The following EFHB variants were observed in gnomAD, a reference collection of about 807,000 sequenced individuals.
The protein encoded by EFHB is EF-hand domain-containing family member B.
Under a neutral mutation model 87.2 loss-of-function variants are expected in EFHB, and 91 were observed. The ratio of observed to expected loss-of-function variants is 1.04; its 90% CI spans 0.88 to 1.24. The LOEUF is 1.24. Ranked by LOEUF, EFHB falls within the 50% of genes most tolerant of loss-of-function variation. The probability of loss-of-function intolerance (pLI) is 0.00; values close to 1 mark genes in which losing one functional copy is unlikely to be tolerated. For missense variants in EFHB, 1,084 were observed against 998.8 expected (o/e 1.09, Z -1.15); for synonymous variants, 325 against 333.6 (o/e 0.97, Z 0.28).
Position 19,920,576 on chromosome 3 carries a change from G to GAAAAAAAAAA in EFHB, c.790-10_790-9insTTTTTTTTTT, listed in dbSNP as rs762187146. 6.3e-7 allele frequency: 1 copy of GAAAAAAAAAA among 1,584,388 alleles called. No individual in the cohort carries two copies. On this transcript the variant is annotated splice_polypyrimidine_tract_variant and intron_variant, in intron 1 of 12. Transcript: ENST00000295824. The stretch of plus-strand genomic sequence containing the variant: ...GGAATAACTTTTCCTGCCTTTGGGG[G>GAAAAAAAAAA]AAAAAAATGGGTTGATCATTGCCAG...
At chr3:19,933,123 C>T (rs1695885153) in intron 1 of EFHB, 107 bp downstream of exon 1, 1 of 1,325,138 alleles carries the variant, frequency 7.5e-7, no homozygotes, top group Admixed American at 2.9e-5. Flanking sequence ...TCATAAAATC[C>T]TTGTGATTTG....
chr3:19,909,289 A>G (rs889473964), intron 5 of EFHB, among the ~76,000 whole-genome samples: 1 of 151,924 alleles, frequency 6.6e-6, no homozygotes, highest in African/African-American at 2.4e-5. Context: ...GAGGTATCAA[A>G]CTCAGTGCTT....
intron 6 of EFHB, among the ~76,000 whole-genome samples, chr3:19,904,396 G>T (rs1166925486): frequency 6.6e-6 from 1 of 152,138 alleles, no homozygotes; most frequent in Admixed American, 6.5e-5. Flanking sequence ...TAGAGATGGT[G>T]TCTTGCTATG....
chr3:19,930,993 GA>G (rs1258148273), intron 1 of EFHB, among the ~76,000 whole-genome samples: 2 of 151,674 alleles, frequency 1.3e-5, no homozygotes, highest in Non-Finnish European at 1.5e-5. Context: ...ATTAAATTTA[GA>G]AAAAAAAGAA....
At chr3:19,936,032 A>C (rs1333806856), upstream of EFHB, 2 of 1,149,196 alleles carry the variant, frequency 1.7e-6, no homozygotes, top group Non-Finnish European at 1.1e-6. Flanking sequence ...AAAAAAAAGC[A>C]AAACAGAATT....
At chr3:19,915,524 A>C (rs1695199597) in intron 4 of EFHB, 111 bp from the exon 5 acceptor site, 5 of 667,276 alleles carry the variant, frequency 7.5e-6, no homozygotes, top group Non-Finnish European at 2.5e-6. Flanking sequence ...GCAAGGCTAC[A>C]TAGACATCCC....
In EFHB at chr3:19,920,576, G is replaced by GA. The variant is rs762187146; in HGVS notation, c.790-10dup. 2.3e-5 allele frequency: 36 copies of GA among 1,584,276 alleles called. No homozygotes were observed. Among genetic ancestry groups the GA allele is most frequent in the Non-Finnish European group, 2.7e-5 (32 of 1,168,722 alleles). Reference sequence around the variant, plus strand: ...GGAATAACTTTTCCTGCCTTTGGGGGAAAAAAATGGGTTGATCATTGCCAG... The same window carrying GA: ...GGAATAACTTTTCCTGCCTTTGGGGGAAAAAAAATGGGTTGATCATTGCCAG... On this transcript the variant is annotated splice_polypyrimidine_tract_variant and intron_variant, in intron 1 of 12. Coordinates refer to ENST00000295824, the MANE Select transcript of EFHB (RefSeq NM_144715.4).
chr3:19,908,863 C>T (rs1219168990), intron 5 of EFHB, among the ~76,000 whole-genome samples: 1 of 151,986 alleles, frequency 6.6e-6, no homozygotes, highest in Admixed American at 6.5e-5. Context: ...ATATATAGAG[C>T]AGGCTCCCTA....
chr3:19,912,122 A>C (rs916635968), intron 5 of EFHB, among the ~76,000 whole-genome samples: 2 of 152,142 alleles, frequency 1.3e-5, no homozygotes, highest in Non-Finnish European at 2.9e-5. Flanking sequence ...AAGCAGATTT[A>C]ACCCAAAGAA....
intron 3 of EFHB, among the ~76,000 whole-genome samples, chr3:19,919,195 T>C (rs1380916879): frequency 1.3e-5 from 2 of 151,764 alleles, no homozygotes; most frequent in Non-Finnish European, 2.9e-5. Context: ...CAGTCTTTTT[T>C]TGTTTGTTTG....
intron 6 of EFHB, among the ~76,000 whole-genome samples, chr3:19,905,220 C>A (rs1191251290): frequency 2.6e-5 from 4 of 152,082 alleles, no homozygotes; most frequent in Non-Finnish European, 5.9e-5. Context: ...CTACTGTACT[C>A]CAGCCTGAGC....
Position 19,879,580 on chromosome 3 carries a change from T to A in EFHB, c.*51A>T, listed in dbSNP as rs544767968. 3 of 1,493,166 alleles carry A rather than the reference T, an allele frequency of 2.0e-6. No homozygotes were observed. In the East Asian group the frequency reaches 7.0e-5, roughly 35 times the overall value. 92.5% of individuals were successfully genotyped at this position (1,493,166 alleles called of 1,614,324 possible). On this transcript the variant is annotated 3_prime_UTR_variant, in exon 13 of 13. Transcript: ENST00000295824. ...ACCAGAATGGATTCAACATTTTAGA[T>A]AAACACAGAGTTAATAATTCTTTTG...
chr3:19,882,846 G>T (rs917127729), intron 11 of EFHB, 115 bp from the exon 12 acceptor site: 9 of 891,236 alleles, frequency 1.0e-5, no homozygotes, highest in East Asian at 3.0e-5. Context: ...AAGAATTTTG[G>T]TGTATTCCAA....
chr3:19,944,744 A>G (rs1044433164), intron 1 of EFHB, among the ~76,000 whole-genome samples: 2 of 132,518 alleles, frequency 1.5e-5, no homozygotes, highest in Admixed American at 1.5e-4. Flanking sequence ...AGTTTTTTGC[A>G]ATTTATAAAT....
chr3:19,911,879 G>A (rs1002785941), intron 5 of EFHB, among the ~76,000 whole-genome samples: 1 of 152,040 alleles, frequency 6.6e-6, no homozygotes, highest in African/African-American at 2.4e-5. Context: ...GGGAGGCCAA[G>A]GTGCAAAGAT....
intron 1 of EFHB, among the ~76,000 whole-genome samples, chr3:19,945,705 G>A (rs1696259390): frequency 6.6e-6 from 1 of 152,082 alleles, no homozygotes; most frequent in Non-Finnish European, 1.5e-5. Context: ...AGTTCATATT[G>A]AACAACTCCT....
rs762627824 is a variant in EFHB, at chr3:19,933,655, G to A, written c.364C>T (p.His122Tyr). 1.9e-5 allele frequency: 30 copies of A among 1,613,858 alleles called. 1 individual carries two copies. In the South Asian group the frequency reaches 3.1e-4, roughly 17 times the overall value. The change falls in exon 1 of 13, where the codon CAT (histidine) becomes TAT (tyrosine). Residue 122 changes from histidine (H) to tyrosine (Y), a missense_variant. By Grantham distance (83) the His-to-Tyr change is moderately conservative. Coordinates refer to ENST00000295824, the MANE Select transcript of EFHB (RefSeq NM_144715.4). The part of the protein sequence containing the change: ...ENESLLAGYT[H>Y]ERIIQPPLGR... ...AAAGGAGGCTGTATTATCCGTTCAT[G>A]GGTATATCCTGCAAGAAGACTCTCA...
At chr3:19,904,710 T>C (rs1176835016) in intron 6 of EFHB, among the ~76,000 whole-genome samples, 1 of 152,222 alleles carries the variant, frequency 6.6e-6, no homozygotes, top group Non-Finnish European at 1.5e-5. Context: ...GAATGATCTC[T>C]TCATCCCAAG....
At position 19,888,062 on chromosome 3, in the gene EFHB, T is replaced by C. The variant is rs190840268; in HGVS notation, c.1933+382A>G. 3.2e-3 allele frequency among the ~76,000 whole-genome samples: 482 copies of C among 152,318 alleles called. 4 individuals are homozygous for C. The highest frequency in any genetic ancestry group is 0.011 in the African/African-American group (467 of 41,576). Reference sequence around the variant, plus strand: ...TGTCCCTCAGCCATCCAACTGCCTCTTCCTGGAAATAATAAATATTATTGA... The same window carrying C: ...TGTCCCTCAGCCATCCAACTGCCTCCTCCTGGAAATAATAAATATTATTGA... On this transcript the variant is annotated intron_variant, in intron 10 of 12. Coordinates refer to ENST00000295824, the MANE Select transcript of EFHB (RefSeq NM_144715.4).
Sources: allele counts gnomAD v4.1 joint callset (sites outside exome capture counted in the v4.1 genomes callset), GRCh38; gene constraint gnomAD v4.1.1; transcripts MANE v1.5; gene names NCBI Gene and HGNC (gene_info 2026-07-23, HGNC 2026-07-21).